TNFRSF10A: variants seen among roughly 807,000 people sequenced by gnomAD.
The protein encoded by TNFRSF10A is tumor necrosis factor receptor superfamily member 10A.
In TNFRSF10A, 44 loss-of-function variants were observed where a neutral mutation model predicts 42.8. That is an observed-to-expected ratio of 1.03 (90% CI 0.81 to 1.32). The LOEUF (loss-of-function observed/expected upper bound fraction) is 1.32. Ranked by LOEUF, TNFRSF10A falls within the 40% of genes most tolerant of loss-of-function variation. TNFRSF10A has a pLI of 0.00. For synonymous variants in TNFRSF10A, 259 were observed against 234.2 expected (o/e 1.11, Z -0.97); for missense variants, 680 against 602.0 (o/e 1.13, Z -1.36).
intron 2 of TNFRSF10A, among the ~76,000 whole-genome samples, chr8:23,205,955 A>G (rs1800999700): frequency 6.6e-6 from 1 of 151,980 alleles, no homozygotes. Flanking sequence ...TGACCTCGTG[A>G]TCCGCCTGCC....
At chr8:23,195,381 G>A (rs981467805) in intron 9 of TNFRSF10A, among the ~76,000 whole-genome samples, 3 of 152,090 alleles carry the variant, frequency 2.0e-5, no homozygotes, top group Non-Finnish European at 4.4e-5. Context: ...TATACTTTAA[G>A]TATATTGAGT....
At chr8:23,217,774 G>A (rs1284784015) in intron 1 of TNFRSF10A, among the ~76,000 whole-genome samples, 1 of 152,160 alleles carries the variant, frequency 6.6e-6, no homozygotes, top group Non-Finnish European at 1.5e-5. Context: ...GAAACGCTGT[G>A]CAAGGAATCG....
chr8:23,218,189 A>C (rs1801211696), intron 1 of TNFRSF10A, among the ~76,000 whole-genome samples: 1 of 151,842 alleles, frequency 6.6e-6, no homozygotes, highest in African/African-American at 2.4e-5. Flanking sequence ...GGAGAGAGAG[A>C]AAGAGAGCAA....
At chr8:23,212,053 G>T (rs1000487155) in intron 2 of TNFRSF10A, 63 bp downstream of exon 2, 1 of 1,378,154 alleles carries the variant, frequency 7.3e-7, no homozygotes, top group Non-Finnish European at 1.0e-6. Context: ...GATAATTTTT[G>T]TATATAGTAT....
intron 2 of TNFRSF10A, among the ~76,000 whole-genome samples, chr8:23,207,817 C>T (rs952202448): frequency 3.3e-5 from 5 of 151,914 alleles, no homozygotes; most frequent in Non-Finnish European, 5.9e-5. Flanking sequence ...GTAAGACTTC[C>T]CCAGCCACGT....
chr8:23,207,916 A>T (rs945871980), intron 2 of TNFRSF10A, among the ~76,000 whole-genome samples: 4 of 151,894 alleles, frequency 2.6e-5, no homozygotes, highest in Non-Finnish European at 5.9e-5. Context: ...AAAAAAAAAA[A>T]ACTAATACAG....
intron 1 of TNFRSF10A, among the ~76,000 whole-genome samples, chr8:23,215,577 TAGAC>T (rs551956875): frequency 4.5e-4 from 69 of 152,314 alleles, no homozygotes; most frequent in Admixed American, 2.1e-3. Flanking sequence ...TTCCAATTCA[TAGAC>T]AGCTTTAGGA....
chr8:23,202,211 T>C (rs1397921469), intron 3 of TNFRSF10A, among the ~76,000 whole-genome samples: 1 of 152,004 alleles, frequency 6.6e-6, no homozygotes, highest in Non-Finnish European at 1.5e-5. Context: ...ACATGGTATG[T>C]GAGAGAGTCT....
intron 3 of TNFRSF10A, among the ~76,000 whole-genome samples, chr8:23,202,193 A>T (rs1407936943): frequency 5.3e-5 from 8 of 152,196 alleles, no homozygotes; most frequent in African/African-American, 1.9e-4. Flanking sequence ...GTCAGTAGCA[A>T]AGGAGGCACA....
intron 1 of TNFRSF10A, among the ~76,000 whole-genome samples, chr8:23,224,188 T>C (rs1303374190): frequency 6.7e-6 from 1 of 150,228 alleles, no homozygotes; most frequent in Admixed American, 6.7e-5. Context: ...TACTCCCAGC[T>C]ACTCGGGAGG....
At chr8:23,205,711 C>CTT (rs35059862) in intron 2 of TNFRSF10A, among the ~76,000 whole-genome samples, 1,910 of 130,820 alleles carry the variant, frequency 0.015, 38 homozygotes, top group Non-Finnish European at 0.019. Flanking sequence ...GTCTGTGTTT[C>CTT]TTTTTTTTTT....
chr8:23,199,833 A>G, intron 7 of TNFRSF10A, 53 bp downstream of exon 7: 1 of 1,613,832 alleles, frequency 6.2e-7, no homozygotes, highest in Non-Finnish European at 8.5e-7. Context: ...ACTGTGGGCA[A>G]GAAGCAGTTC....
intron 8 of TNFRSF10A, 78 bp from the exon 9 acceptor site, chr8:23,197,282 C>G: frequency 1.3e-6 from 2 of 1,546,016 alleles, no homozygotes; most frequent in Non-Finnish European, 1.8e-6. Flanking sequence ...CATCAGCCAG[C>G]CCGGAAACCT....
chr8:23,209,246 CAA>C (rs748864672), intron 2 of TNFRSF10A, among the ~76,000 whole-genome samples: 9 of 152,204 alleles, frequency 5.9e-5, no homozygotes, highest in Non-Finnish European at 1.3e-4. Context: ...GATGCCCAGG[CAA>C]AAGTTTGCTG....
intron 2 of TNFRSF10A, among the ~76,000 whole-genome samples, chr8:23,205,998 G>A (rs1801000915): frequency 6.6e-6 from 1 of 152,056 alleles, no homozygotes; most frequent in Non-Finnish European, 1.5e-5. Context: ...TTACAGGTGT[G>A]AGCCACTGCG....
intron 9 of TNFRSF10A, among the ~76,000 whole-genome samples, 167 bp from the exon 10 acceptor site, chr8:23,192,180 A>G (rs1233128975): frequency 6.6e-6 from 1 of 152,088 alleles, no homozygotes; most frequent in African/African-American, 2.4e-5. Context: ...CAGAGAGCCC[A>G]CCCACACTGC....
chr8:23,212,399 G>T (rs539935663), intron 1 of TNFRSF10A, among the ~76,000 whole-genome samples, 187 bp from the exon 2 acceptor site: 1 of 152,290 alleles, frequency 6.6e-6, no homozygotes, highest in African/African-American at 2.4e-5. Context: ...CCAGCCTGTG[G>T]CAACTACCAT....
chr8:23,207,948 G>A (rs1208318030), intron 2 of TNFRSF10A, among the ~76,000 whole-genome samples: 1 of 152,076 alleles, frequency 6.6e-6, no homozygotes, highest in African/African-American at 2.4e-5. Flanking sequence ...CAGTAGAGTG[G>A]GGAGCTGCTG....
chr8:23,191,371 A>T lies in TNFRSF10A; in HGVS notation c.*323T>A. ...GTCCCAGGCTGGAGTGCAGTGGTGC[A>T]ATCTCAGCTCACTGCCTCGTGGGTT... On this transcript the variant is annotated 3_prime_UTR_variant, in exon 10 of 10. Transcript: ENST00000221132. 1 of 376,738 alleles carries T rather than the reference A, an allele frequency of 2.7e-6. No homozygotes were observed. Among genetic ancestry groups the T allele is most frequent in the Non-Finnish European group, 4.8e-6 (1 of 210,288 alleles). The allele number at this position is 376,738 out of a possible 1,614,324, so 23.3% of individuals were successfully genotyped here. A position where few individuals can be genotyped will look rare whatever the true frequency, so the allele number is the denominator to read the frequency against.
Sources: allele counts gnomAD v4.1 joint callset (sites outside exome capture counted in the v4.1 genomes callset), GRCh38; gene constraint gnomAD v4.1.1; transcripts MANE v1.5; gene names NCBI Gene and HGNC (gene_info 2026-07-23, HGNC 2026-07-21).